Variants in DTNBP1 observed in about 807,000 individuals in gnomAD.
DTNBP1 encodes the protein dysbindin.
In DTNBP1, 35 loss-of-function variants were observed where a neutral mutation model predicts 42.8. That is an observed-to-expected ratio of 0.82 (90% CI 0.63 to 1.09). The LOEUF (loss-of-function observed/expected upper bound fraction) is 1.09, where lower values mean the gene tolerates loss of function less well. Ranked by LOEUF, DTNBP1 falls within the 50% of genes least tolerant of loss-of-function variation. The probability of loss-of-function intolerance (pLI) is 0.00; values close to 1 mark genes in which losing one functional copy is unlikely to be tolerated. For synonymous variants in DTNBP1, 171 were observed against 162.2 expected (o/e 1.05, Z -0.41); for missense variants, 457 against 424.2 (o/e 1.08, Z -0.68).
At chr6:15,577,884 G>A (rs1775648642) in intron 7 of DTNBP1, among the ~76,000 whole-genome samples, 1 of 152,234 alleles carries the variant, frequency 6.6e-6, no homozygotes, top group African/African-American at 2.4e-5. Context: ...CTGAAGTGTA[G>A]TTCTCCAAGT....
At chr6:15,651,411 G>GAAA in intron 2 of DTNBP1, 48 bp from the exon 3 acceptor site, 11 of 1,287,238 alleles carry the variant, frequency 8.5e-6, no homozygotes, top group African/African-American at 5.2e-5. Context: ...TTAGCCAACT[G>GAAA]AAAAAAAAAA....
At chr6:15,558,271 C>T (rs1350295738) in intron 7 of DTNBP1, among the ~76,000 whole-genome samples, 2 of 144,344 alleles carry the variant, frequency 1.4e-5, no homozygotes, top group Non-Finnish European at 1.5e-5. Flanking sequence ...CTGATGAGTA[C>T]TCTTTTTTTT....
chr6:15,577,244 G>A (rs750769694), intron 7 of DTNBP1, among the ~76,000 whole-genome samples: 23 of 152,222 alleles, frequency 1.5e-4, no homozygotes, highest in Admixed American at 2.6e-4. Context: ...GCAAAGGGCT[G>A]GGCCCTGCAG....
chr6:15,646,388 A>C (rs958727249), intron 3 of DTNBP1, among the ~76,000 whole-genome samples: 2 of 151,978 alleles, frequency 1.3e-5, no homozygotes, highest in African/African-American at 4.8e-5. Context: ...GAATGGAAAA[A>C]CATTCCATGC....
rs781226754 is a variant in DTNBP1, at chr6:15,523,065, A to C, written c.966T>G (p.Asp322Glu). ...CAGTGTCCACCTGAACTTCCTCCTC[A>C]TCGGACTGAACAACGGGGGACTCCC... ...EGGESPVVQSDEEEVQVDTAL... is the reference protein window; with the variant it reads ...EGGESPVVQSEEEEVQVDTAL... Residue 322 changes from aspartate (D) to glutamate (E), a missense_variant, in exon 10 of 10, where the codon GAT becomes GAG. By Grantham distance (45) the Asp-to-Glu change is conservative (BLOSUM62 2). Coordinates refer to ENST00000344537, the MANE Select transcript of DTNBP1 (RefSeq NM_032122.5). The C allele has an allele frequency of 8.7e-6, 14 of 1,613,980 alleles. No individual in the cohort carries two copies. The highest frequency in any genetic ancestry group is 4.4e-5 in the South Asian group (4 of 91,082).
Position 15,527,100 on chromosome 6 carries a change from T to C in DTNBP1, c.668-2431A>G, listed in dbSNP as rs140580474. Among the ~76,000 whole-genome samples the C allele has an allele frequency of 2.6e-4, 39 of 152,362 alleles. No individual in the cohort carries two copies. In the East Asian group the frequency reaches 6.9e-3, roughly 27 times the overall value. ...AAGAAAGCTGATACAGCTGTATTAA[T>C]ATCAAAATAGATTTTAATGGGAAAC... On this transcript the variant is annotated intron_variant, in intron 8 of 9. Coordinates refer to ENST00000344537, the MANE Select transcript of DTNBP1 (RefSeq NM_032122.5).
At chr6:15,546,262 C>T (rs1027718894) in intron 7 of DTNBP1, among the ~76,000 whole-genome samples, 2 of 151,920 alleles carry the variant, frequency 1.3e-5, no homozygotes, top group African/African-American at 4.8e-5. Context: ...GATGGGGTTT[C>T]ATCATGTTGG....
At chr6:15,618,413 A>G (rs1440564633) in intron 5 of DTNBP1, among the ~76,000 whole-genome samples, 1 of 151,984 alleles carries the variant, frequency 6.6e-6, no homozygotes, top group Non-Finnish European at 1.5e-5. Context: ...TTGAAAAACT[A>G]CCTACTGGGT....
intron 4 of DTNBP1, among the ~76,000 whole-genome samples, chr6:15,635,876 G>A (rs1046378142): frequency 5.9e-5 from 9 of 152,066 alleles, no homozygotes; most frequent in South Asian, 2.1e-4. Context: ...CCTTACTCAC[G>A]TTTAAGTCCA....
rs1776130761 is a variant in DTNBP1, at chr6:15,587,586, A to T, written c.511+5473T>A. Among the ~76,000 whole-genome samples, 1 of 152,336 alleles carries T rather than the reference A, an allele frequency of 6.6e-6. No individual in the cohort carries two copies. Among genetic ancestry groups the T allele is most frequent in the Middle Eastern group, 3.4e-3 (1 of 294 alleles). On this transcript the variant is annotated intron_variant, in intron 7 of 9. Transcript: ENST00000344537. The surrounding 1 kb of genome is among the most constrained non-coding windows in gnomAD (Gnocchi z 4.1). The stretch of plus-strand genomic sequence containing the variant: ...GTTGAGAGTTCAGAAAAAAACTCTT[A>T]CATTATGGTCACTGGTTTCCTACAA...
chr6:15,522,885 C>A lies in DTNBP1; in HGVS notation c.*90G>T. The A allele has an allele frequency of 6.2e-7, 1 of 1,608,292 alleles. No homozygotes were observed. The highest frequency in any genetic ancestry group is 8.5e-7 in the Non-Finnish European group (1 of 1,176,576). Reference sequence around the variant, plus strand: ...TTGGCAATTATGTAAAAATCAAGAACCTCTATAAAACAACCTGGCTTTCCA... The same window carrying A: ...TTGGCAATTATGTAAAAATCAAGAAACTCTATAAAACAACCTGGCTTTCCA... On this transcript the variant is annotated 3_prime_UTR_variant, in exon 10 of 10. Coordinates refer to ENST00000344537, the MANE Select transcript of DTNBP1 (RefSeq NM_032122.5).
chr6:15,582,511 ATTATAC>A (rs1581356965), intron 7 of DTNBP1, among the ~76,000 whole-genome samples: 2 of 152,220 alleles, frequency 1.3e-5, no homozygotes, highest in South Asian at 2.1e-4. Context: ...AATAAACAGA[ATTATAC>A]TTATATACCT....
intron 7 of DTNBP1, among the ~76,000 whole-genome samples, chr6:15,573,332 A>T (rs1455408209): frequency 6.6e-6 from 1 of 152,212 alleles, no homozygotes; most frequent in Admixed American, 6.5e-5. Flanking sequence ...CTCAATAATT[A>T]GATTTATCAA....
intron 7 of DTNBP1, among the ~76,000 whole-genome samples, chr6:15,553,649 G>A (rs1309598726): frequency 1.0e-5 from 1 of 98,338 alleles, no homozygotes; most frequent in African/African-American, 4.1e-5. Context: ...TCTTATAAAA[G>A]CCTATGTAGG....
rs748177517 is a variant in DTNBP1, at chr6:15,522,931, C to T, written c.*44G>A. 8.1e-6 allele frequency: 13 copies of T among 1,614,042 alleles called. No individual in the cohort carries two copies. The Admixed American group carries it at 1.2e-4, about 14-fold the overall frequency. On this transcript the variant is annotated 3_prime_UTR_variant, in exon 10 of 10. Coordinates refer to ENST00000344537, the MANE Select transcript of DTNBP1 (RefSeq NM_032122.5). ...TTCCAGGTGGAATTCCGCATACAGC[C>T]AAAACTGGATTCCAGTGTGGCCAGA...
chr6:15,633,349 A>G (rs1445492457), intron 4 of DTNBP1, among the ~76,000 whole-genome samples: 1 of 152,230 alleles, frequency 6.6e-6, no homozygotes, highest in Non-Finnish European at 1.5e-5. Flanking sequence ...AATCTCCTGG[A>G]AAGAATACAC....
chr6:15,656,918 G>C (rs1761318202), intron 1 of DTNBP1, among the ~76,000 whole-genome samples: 1 of 152,120 alleles, frequency 6.6e-6, no homozygotes, highest in African/African-American at 2.4e-5. Flanking sequence ...GGAAAGGTGA[G>C]GACGATTGCT....
intron 4 of DTNBP1, among the ~76,000 whole-genome samples, chr6:15,632,233 A>T: frequency 6.6e-6 from 1 of 152,184 alleles, no homozygotes; most frequent in East Asian, 1.9e-4. Context: ...TTGTTTGATT[A>T]AAAAAAGTTT....
intron 5 of DTNBP1, among the ~76,000 whole-genome samples, chr6:15,622,240 T>A (rs76023907): frequency 5.9e-5 from 9 of 152,324 alleles, no homozygotes; most frequent in Non-Finnish European, 1.2e-4. Context: ...TTAAACAACA[T>A]GATGATACTT....
Sources: gnomAD v4.1 joint callset for allele counts (sites outside exome capture counted in the v4.1 genomes callset) on GRCh38, gnomAD v4.1.1 for gene constraint, Gnocchi (gnomAD v3.1) non-coding constraint, MANE v1.5 for transcripts, NCBI Gene and HGNC (gene_info 2026-07-23, HGNC 2026-07-21) for gene names.